The following PPFIA2 variants were observed in gnomAD, a reference collection of about 807,000 sequenced individuals.
The protein encoded by PPFIA2 is liprin-alpha-2.
PPFIA2 carries 46 observed loss-of-function variants against 175.5 expected under a neutral mutation model. The ratio of observed to expected loss-of-function variants is 0.26; its 90% CI spans 0.21 to 0.34. The LOEUF (loss-of-function observed/expected upper bound fraction) is 0.34. Among genes scored for constraint, PPFIA2 ranks in the 10% least tolerant of loss-of-function variants. The probability of loss-of-function intolerance (pLI) is 1.00; values close to 1 mark genes in which losing one functional copy is unlikely to be tolerated. For synonymous variants in PPFIA2, 568 were observed against 511.4 expected (o/e 1.11, Z -1.49); for missense variants, 1,179 against 1,506.1 (o/e 0.78, Z 3.60).
In PPFIA2 at chr12:81,565,279, A is replaced by T. The variant is rs546745159; in HGVS notation, c.304-107413T>A. Among the ~76,000 whole-genome samples, 9 of 152,120 alleles carry T rather than the reference A, an allele frequency of 5.9e-5. No individual in the cohort carries two copies. The South Asian group carries it at 1.9e-3, about 32-fold the overall frequency. On this transcript the variant is annotated intron_variant, in intron 4 of 32. Transcript: ENST00000549396. ...TGATTCTCCTCAGGAGCCACCCCCA[A>T]CACTCCTGTTTGCTTCTAGACCTAT...
At chr12:81,579,530 T>C (rs2074090965) in intron 4 of PPFIA2, among the ~76,000 whole-genome samples, 1 of 151,726 alleles carries the variant, frequency 6.6e-6, no homozygotes, top group South Asian at 2.1e-4. Context: ...AAGCTAAAGG[T>C]CATTATTACA....
At chr12:81,262,083 A>C in intron 31 of PPFIA2, 43 bp from the exon 32 acceptor site, 1 of 1,270,208 alleles carries the variant, frequency 7.9e-7, no homozygotes, top group Non-Finnish European at 1.1e-6. Context: ...TGGATGATTG[A>C]GTACAAGATT....
At chr12:81,571,085 G>A (rs2072456627) in intron 4 of PPFIA2, among the ~76,000 whole-genome samples, 1 of 151,610 alleles carries the variant, frequency 6.6e-6, no homozygotes, top group African/African-American at 2.4e-5. Flanking sequence ...CTACTCTACT[G>A]TGCTATGATT....
intron 4 of PPFIA2, among the ~76,000 whole-genome samples, chr12:81,478,069 T>C (rs1267147734): frequency 1.3e-5 from 2 of 152,166 alleles, no homozygotes; most frequent in Non-Finnish European, 2.9e-5. Flanking sequence ...GGCTATTAAT[T>C]ACTGCCTCAA....
chr12:81,319,598 C>A (rs573868051), intron 22 of PPFIA2, among the ~76,000 whole-genome samples: 30 of 151,910 alleles, frequency 2.0e-4, no homozygotes, highest in Middle Eastern at 3.4e-3. Flanking sequence ...GTAATTGTGT[C>A]TGTACTAAAT....
Position 81,557,326 on chromosome 12 carries a change from T to C in PPFIA2, c.304-99460A>G, listed in dbSNP as rs1594906909. 2.0e-5 allele frequency among the ~76,000 whole-genome samples: 3 copies of C among 151,846 alleles called. No homozygotes were observed. The South Asian group carries it at 6.2e-4, about 32-fold the overall frequency. On this transcript the variant is annotated intron_variant, in intron 4 of 32. Transcript: ENST00000549396. Reference sequence around the variant, plus strand: ...TAGAAATTTGACTGAACTCTGTGGGTGGAGGGACAAGATCTTTTATTCATC... The same window carrying C: ...TAGAAATTTGACTGAACTCTGTGGGCGGAGGGACAAGATCTTTTATTCATC...
intron 4 of PPFIA2, among the ~76,000 whole-genome samples, chr12:81,464,292 T>C (rs550988596): frequency 1.3e-5 from 2 of 152,242 alleles, no homozygotes; most frequent in South Asian, 4.1e-4. Context: ...TTACCTCTAT[T>C]ATGTCGTTTA....
chr12:81,415,842 T>G (rs2045148450), intron 7 of PPFIA2, among the ~76,000 whole-genome samples: 1 of 151,458 alleles, frequency 6.6e-6, no homozygotes, highest in Admixed American at 6.6e-5. Context: ...TCATTGTTAT[T>G]AACATGTAAT....
intron 3 of PPFIA2, among the ~76,000 whole-genome samples, chr12:81,699,714 A>C (rs1289874630): frequency 6.6e-6 from 1 of 151,984 alleles, no homozygotes; most frequent in African/African-American, 2.4e-5. Flanking sequence ...TCTCTATCAT[A>C]TAATATTAAG....
At chr12:81,263,690 T>C (rs753300893) in intron 30 of PPFIA2, among the ~76,000 whole-genome samples, 5 of 152,230 alleles carry the variant, frequency 3.3e-5, no homozygotes, top group South Asian at 2.1e-4. Flanking sequence ...AAAATAAATA[T>C]TGTATATACA....
intron 11 of PPFIA2, among the ~76,000 whole-genome samples, chr12:81,369,734 G>A (rs937106379): frequency 6.6e-6 from 1 of 151,550 alleles, no homozygotes; most frequent in Non-Finnish European, 1.5e-5. Context: ...AAAGGAGAGG[G>A]ACAAAATTGA....
At chr12:81,709,871 A>G (rs1047935983) in intron 3 of PPFIA2, among the ~76,000 whole-genome samples, 1 of 152,086 alleles carries the variant, frequency 6.6e-6, no homozygotes, top group Non-Finnish European at 1.5e-5. Flanking sequence ...TGCTAAATAA[A>G]TAAGAATATA....
intron 22 of PPFIA2, among the ~76,000 whole-genome samples, chr12:81,314,963 G>A (rs774886907): frequency 1.1e-4 from 17 of 151,608 alleles, no homozygotes; most frequent in South Asian, 4.1e-4. Context: ...GGAGAATTCC[G>A]CACAAAATGA....
At chr12:81,467,145 G>A (rs1165005285) in intron 4 of PPFIA2, among the ~76,000 whole-genome samples, 1 of 151,886 alleles carries the variant, frequency 6.6e-6, no homozygotes, top group Middle Eastern at 3.2e-3. Flanking sequence ...TATATCATTA[G>A]CAAACTAGCA....
At chr12:81,541,575 T>C (rs1438310065) in intron 4 of PPFIA2, among the ~76,000 whole-genome samples, 2 of 152,054 alleles carry the variant, frequency 1.3e-5, no homozygotes, top group African/African-American at 4.8e-5. Flanking sequence ...TCTTCTTTTG[T>C]TGAAAAATAA....
intron 9 of PPFIA2, among the ~76,000 whole-genome samples, chr12:81,376,212 C>G (rs1314698177): frequency 6.6e-6 from 1 of 152,112 alleles, no homozygotes; most frequent in African/African-American, 2.4e-5. Context: ...GTAGAATTGG[C>G]ATTCTTGTAA....
intron 24 of PPFIA2, among the ~76,000 whole-genome samples, chr12:81,293,812 A>C (rs992546923): frequency 6.6e-6 from 1 of 152,174 alleles, no homozygotes; most frequent in Non-Finnish European, 1.5e-5. Flanking sequence ...AGGAAAAGCA[A>C]TTGTTATATC....
chr12:81,564,268 T>C (rs946419898), intron 4 of PPFIA2, among the ~76,000 whole-genome samples: 2 of 147,228 alleles, frequency 1.4e-5, no homozygotes, highest in African/African-American at 5.0e-5. Context: ...TACAGAACTA[T>C]AGATTTTTCA....
intron 7 of PPFIA2, among the ~76,000 whole-genome samples, chr12:81,428,213 C>G (rs2047483787): frequency 6.6e-6 from 1 of 151,808 alleles, no homozygotes. Context: ...AGAACTATGT[C>G]TGCTACCACA....
Sources: gnomAD v4.1 joint callset for allele counts (sites outside exome capture counted in the v4.1 genomes callset) on GRCh38, gnomAD v4.1.1 for gene constraint, MANE v1.5 for transcripts, NCBI Gene and HGNC (gene_info 2026-07-23, HGNC 2026-07-21) for gene names.